CDH4: variants seen among roughly 807,000 people sequenced by gnomAD.
The protein encoded by CDH4 is cadherin-4.
Under a neutral mutation model 86.0 loss-of-function variants are expected in CDH4, and 33 were observed. The observed-to-expected ratio is 0.38, with a 90% CI of 0.29 to 0.51. The LOEUF (loss-of-function observed/expected upper bound fraction) is 0.51. Ranked by LOEUF, CDH4 falls within the 20% of genes least tolerant of loss-of-function variation. CDH4 has a pLI of 0.86. For synonymous variants in CDH4, 555 were observed against 549.4 expected (o/e 1.01, Z -0.14); for missense variants, 1,114 against 1,307.4 (o/e 0.85, Z 2.28).
intron 2 of CDH4, among the ~76,000 whole-genome samples, chr20:61,418,630 G>A (rs2085160472): frequency 6.6e-6 from 1 of 152,206 alleles, no homozygotes; most frequent in African/African-American, 2.4e-5. Context: ...GAAATCGCGT[G>A]TGGAGGAGTT....
chr20:61,856,745 G>A (rs943192388), intron 6 of CDH4, among the ~76,000 whole-genome samples: 14 of 152,248 alleles, frequency 9.2e-5, no homozygotes, highest in African/African-American at 3.4e-4. Context: ...TGGGCTCAGA[G>A]GGTGTGGCAG....
At chr20:61,579,571 G>A (rs1163131780) in intron 2 of CDH4, among the ~76,000 whole-genome samples, 1 of 152,062 alleles carries the variant, frequency 6.6e-6, no homozygotes, top group Non-Finnish European at 1.5e-5. Flanking sequence ...ACAGGTGTGA[G>A]CCACTGCACC....
intron 2 of CDH4, among the ~76,000 whole-genome samples, chr20:61,445,492 G>A (rs561851168): frequency 6.6e-6 from 1 of 152,264 alleles, no homozygotes; most frequent in South Asian, 2.1e-4. Context: ...GGAAGGGTGG[G>A]AGTGACGAAG....
At chr20:61,254,018 A>G (rs1037186882) in intron 1 of CDH4, among the ~76,000 whole-genome samples, 1 of 152,152 alleles carries the variant, frequency 6.6e-6, no homozygotes, top group Admixed American at 6.5e-5. Context: ...CCCTCCCAGA[A>G]GCTTGGTCGG....
chr20:61,733,875 AG>A (rs1479278848), intron 2 of CDH4, among the ~76,000 whole-genome samples: 3 of 152,186 alleles, frequency 2.0e-5, no homozygotes, highest in African/African-American at 7.2e-5. Context: ...AACAATAAAA[AG>A]GTGTGTTTTG....
intron 2 of CDH4, among the ~76,000 whole-genome samples, chr20:61,716,040 C>G (rs1175862873): frequency 6.6e-6 from 1 of 152,236 alleles, no homozygotes; most frequent in African/African-American, 2.4e-5. Context: ...AGCCCCAGTG[C>G]CAGCTGGGGC....
At chr20:61,590,364 G>A (rs1226056252) in intron 2 of CDH4, among the ~76,000 whole-genome samples, 1 of 152,140 alleles carries the variant, frequency 6.6e-6, no homozygotes, top group Non-Finnish European at 1.5e-5. Flanking sequence ...GGCCCAGTGG[G>A]TGGGGGCAGC....
chr20:61,662,953 C>T (rs533004202), intron 2 of CDH4, among the ~76,000 whole-genome samples: 27 of 152,160 alleles, frequency 1.8e-4, no homozygotes, highest in Non-Finnish European at 3.4e-4. Context: ...TCTCTGTCCA[C>T]TGAGACTCTG....
chr20:61,461,801 G>A (rs992230830), intron 2 of CDH4, among the ~76,000 whole-genome samples: 7 of 152,190 alleles, frequency 4.6e-5, no homozygotes, highest in South Asian at 2.1e-4. Context: ...AACAAGCACC[G>A]TGTCTCTTTA....
chr20:61,266,767 GC>G (rs1395212558), intron 2 of CDH4, among the ~76,000 whole-genome samples: 5 of 152,076 alleles, frequency 3.3e-5, no homozygotes, highest in African/African-American at 4.8e-5. Context: ...AAACTCGCCA[GC>G]CCCGTGGGTC....
intron 2 of CDH4, among the ~76,000 whole-genome samples, chr20:61,326,697 G>A (rs1463578277): frequency 6.6e-6 from 1 of 152,130 alleles, no homozygotes; most frequent in Non-Finnish European, 1.5e-5. Flanking sequence ...AGTGTCGGGT[G>A]GTGAAATTCC....
chr20:61,509,944 G>A (rs2085767861), intron 2 of CDH4, among the ~76,000 whole-genome samples: 3 of 152,128 alleles, frequency 2.0e-5, no homozygotes, highest in Non-Finnish European at 4.4e-5. Flanking sequence ...AGAGAGAAAA[G>A]GGGTGGGGGG....
At chr20:61,878,634 G>A (rs1462117165) in intron 7 of CDH4, among the ~76,000 whole-genome samples, 1 of 152,176 alleles carries the variant, frequency 6.6e-6, no homozygotes, top group Non-Finnish European at 1.5e-5. Flanking sequence ...ACATGGAGAG[G>A]TCATCCCCTT....
chr20:61,485,460 G>A (rs1334473870), intron 2 of CDH4, among the ~76,000 whole-genome samples: 1 of 152,184 alleles, frequency 6.6e-6, no homozygotes, highest in Admixed American at 6.5e-5. Flanking sequence ...ACTCTGCCAG[G>A]GTGGTGTTGG....
At chr20:61,644,912 G>A (rs2087046448) in intron 2 of CDH4, among the ~76,000 whole-genome samples, 1 of 152,238 alleles carries the variant, frequency 6.6e-6, no homozygotes, top group Non-Finnish European at 1.5e-5. Context: ...GAGTCGCTGA[G>A]TCGTGCGGCC....
At chr20:61,664,449 C>G (rs181661745) in intron 2 of CDH4, among the ~76,000 whole-genome samples, 9 of 152,200 alleles carry the variant, frequency 5.9e-5, no homozygotes, top group African/African-American at 2.2e-4. Context: ...GGCTGAACAC[C>G]GCGGCCTTTG....
chr20:61,487,782 C>T (rs1048447114), intron 2 of CDH4, among the ~76,000 whole-genome samples: 7 of 152,182 alleles, frequency 4.6e-5, no homozygotes, highest in South Asian at 2.1e-4. Context: ...AAGTTCACCC[C>T]GTGAGGACTT....
chr20:61,451,989 G>A (rs1170680389), intron 2 of CDH4, among the ~76,000 whole-genome samples: 1 of 152,232 alleles, frequency 6.6e-6, no homozygotes, highest in Non-Finnish European at 1.5e-5. Context: ...TTGATTGTGA[G>A]TCTTGACATC....
chr20:61,874,426 C>T (rs1983932433), intron 7 of CDH4, among the ~76,000 whole-genome samples: 1 of 152,140 alleles, frequency 6.6e-6, no homozygotes, highest in Non-Finnish European at 1.5e-5. Flanking sequence ...GGGTTCCATG[C>T]GCTCCCACCT....
Sources: gnomAD v4.1 joint callset for allele counts (sites outside exome capture counted in the v4.1 genomes callset) on GRCh38, gnomAD v4.1.1 for gene constraint, MANE v1.5 for transcripts, NCBI Gene and HGNC (gene_info 2026-07-23, HGNC 2026-07-21) for gene names.